The following FIBCD1 variants were observed in gnomAD, a reference collection of about 807,000 sequenced individuals.
The protein encoded by FIBCD1 is fibrinogen C domain containing 1.
Under a neutral mutation model 45.1 loss-of-function variants are expected in FIBCD1, and 47 were observed. The observed-to-expected ratio is 1.04, with a 90% CI of 0.82 to 1.33. The LOEUF (loss-of-function observed/expected upper bound fraction) is 1.33, where lower values mean the gene tolerates loss of function less well. Among genes scored for constraint, FIBCD1 ranks in the 40% most tolerant of loss-of-function variants. FIBCD1 has a pLI of 0.00. For missense variants in FIBCD1, 653 were observed against 682.2 expected, an observed-to-expected ratio of 0.96 and a Z score of 0.48; for synonymous variants, 313 against 308.1, an observed-to-expected ratio of 1.02 and a Z score of -0.17.
rs1017855522 is a variant in FIBCD1, at chr9:130,911,823, G to T, written c.915C>A (p.Gly305=). The part of the protein sequence containing the change: ...FFRGWDAYRD[G]FGRLTGEHWL... Reference sequence around the variant, plus strand: ...AGTGCTCCCCGGTGAGCCTGCCAAAGCCGTCTCGGTACGCATCCCAGCCCC... The same window carrying T: ...AGTGCTCCCCGGTGAGCCTGCCAAATCCGTCTCGGTACGCATCCCAGCCCC... The change falls in exon 5 of 7, where the codon GGC becomes GGA. Residue 305 remains glycine (G), a synonymous_variant. Coordinates refer to ENST00000372338, the MANE Select transcript of FIBCD1 (RefSeq NM_032843.5). The T allele has an allele frequency of 1.9e-6, 3 of 1,604,748 alleles. No individual in the cohort carries two copies. In the South Asian group the frequency reaches 3.4e-5, roughly 18 times the overall value.
At position 130,911,825 on chromosome 9, in the gene FIBCD1, C is replaced by T. The variant is rs768667343; in HGVS notation, c.913G>A (p.Gly305Ser). 86 of 1,604,638 alleles carry T rather than the reference C, an allele frequency of 5.4e-5. No individual in the cohort carries two copies. The Admixed American group carries it at 9.9e-4, about 19-fold the overall frequency. The stretch of plus-strand genomic sequence containing the variant: ...TGCTCCCCGGTGAGCCTGCCAAAGC[C>T]GTCTCGGTACGCATCCCAGCCCCGG... ...FFRGWDAYRD[G>S]FGRLTGEHWL... The change falls in exon 5 of 7, where the codon GGC becomes AGC. Residue 305 changes from glycine to serine, a missense_variant. By Grantham distance (56) the Gly-to-Ser change is moderately conservative (BLOSUM62 0). Coordinates refer to ENST00000372338, the MANE Select transcript of FIBCD1 (RefSeq NM_032843.5).
At chr9:130,913,437 G>A (rs1188464924) in intron 4 of FIBCD1, among the ~76,000 whole-genome samples, 1 of 152,242 alleles carries the variant, frequency 6.6e-6, no homozygotes, top group African/African-American at 2.4e-5. Context: ...TCTGACCCGA[G>A]GCGTCTGCCG....
intron 4 of FIBCD1, among the ~76,000 whole-genome samples, chr9:130,917,777 G>C (rs1408808378): frequency 6.6e-6 from 1 of 152,174 alleles, no homozygotes; most frequent in African/African-American, 2.4e-5. Context: ...GGGACGACTG[G>C]TGCTCCCATT....
chr9:130,917,053 A>G (rs7859821), intron 4 of FIBCD1, among the ~76,000 whole-genome samples: 82,006 of 152,104 alleles, frequency 0.54, 23,957 homozygotes, highest in African/African-American at 0.76. Flanking sequence ...AGCCAAGATC[A>G]CACCACTGCA....
chr9:130,913,360 C>T (rs1275679299), intron 4 of FIBCD1, among the ~76,000 whole-genome samples: 3 of 151,938 alleles, frequency 2.0e-5, no homozygotes, highest in African/African-American at 4.9e-5. Flanking sequence ...GCTGCGGCAC[C>T]GGCGAGCTGC....
chr9:130,923,643 G>A lies in FIBCD1; in HGVS notation c.849+101C>T, dbSNP rs370766285. 3.8e-4 allele frequency: 572 copies of A among 1,500,570 alleles called. 1 individual carries two copies. The African/African-American group carries it at 7.0e-3, about 18-fold the overall frequency. The allele number at this position is 1,500,570 out of a possible 1,614,324, so 93.0% of individuals were successfully genotyped here. A position where few individuals can be genotyped will look rare whatever the true frequency, so the allele number is the denominator to read the frequency against. ...CAGGGCCAGTCCACAGATCCATGGTGGAGGGCTGGGTAGGAAGCTGCTCGG... is the reference window on the plus strand; with the variant it reads ...CAGGGCCAGTCCACAGATCCATGGTAGAGGGCTGGGTAGGAAGCTGCTCGG... On this transcript the variant is annotated intron_variant, in intron 4 of 6. Transcript: ENST00000372338.
At chr9:130,938,269 C>T in intron 1 of FIBCD1, 1 of 395,000 alleles carries the variant, frequency 2.5e-6, no homozygotes, top group Non-Finnish European at 4.6e-6. Context: ...CCCGCGTGCA[C>T]CAGGGGGCTG....
intron 5 of FIBCD1, among the ~76,000 whole-genome samples, chr9:130,905,909 C>T (rs1831919704): frequency 6.6e-6 from 1 of 152,226 alleles, no homozygotes; most frequent in African/African-American, 2.4e-5. Context: ...TTGAGGACCT[C>T]CTCTGCCAAC....
intron 2 of FIBCD1, among the ~76,000 whole-genome samples, chr9:130,927,079 T>A (rs1386112297): frequency 1.3e-5 from 2 of 151,676 alleles, no homozygotes; most frequent in Non-Finnish European, 2.9e-5. Context: ...TACAAAAAAA[T>A]TTTAATCAAA....
At chr9:130,913,621 C>T (rs992440945) in intron 4 of FIBCD1, among the ~76,000 whole-genome samples, 3 of 152,164 alleles carry the variant, frequency 2.0e-5, no homozygotes, top group African/African-American at 7.2e-5. Context: ...CAGGAGTGAC[C>T]GGCTCGGGGT....
chr9:130,923,663 G>A (rs1367963380), intron 4 of FIBCD1, 81 bp downstream of exon 4: 7 of 1,549,796 alleles, frequency 4.5e-6, no homozygotes, highest in Non-Finnish European at 6.1e-6. Flanking sequence ...GTAGGAAGCT[G>A]CTCGGAATGC....
intron 4 of FIBCD1, among the ~76,000 whole-genome samples, chr9:130,914,610 C>T (rs78095450): frequency 0.051 from 7,706 of 152,302 alleles, 285 homozygotes; most frequent in Admixed American, 0.088. Context: ...GTACAGGTGC[C>T]CAGCTGTGCC....
At position 130,924,275 on chromosome 9, in the gene FIBCD1, G is replaced by C. The variant is rs769784503; in HGVS notation, c.674C>G (p.Ala225Gly). The part of the protein sequence containing the change: ...RPRNKADLQR[A>G]PARGTRPRGC... Reference sequence around the variant, plus strand: ...CCGGGGCCGGGTTCCCCGGGCAGGCGCTCTCTGAAGGTCGGCCTTGTTGCG... The same window carrying C: ...CCGGGGCCGGGTTCCCCGGGCAGGCCCTCTCTGAAGGTCGGCCTTGTTGCG... The change falls in exon 3 of 7, where the codon GCG (alanine) becomes GGG (glycine). Residue 225 changes from alanine to glycine, a missense_variant. Coordinates refer to ENST00000372338, the MANE Select transcript of FIBCD1 (RefSeq NM_032843.5). 6 of 1,601,778 alleles carry C rather than the reference G, an allele frequency of 3.7e-6. No homozygotes were observed. Among genetic ancestry groups the C allele is most frequent in the Non-Finnish European group, 4.3e-6 (5 of 1,175,826 alleles).
chr9:130,903,907 C>T lies in FIBCD1; in HGVS notation c.*157G>A, dbSNP rs1427970654. 11 of 947,468 alleles carry T rather than the reference C, an allele frequency of 1.2e-5. No individual in the cohort carries two copies. The highest frequency in any genetic ancestry group is 3.3e-5 in the African/African-American group (2 of 61,506). 58.7% of individuals were successfully genotyped at this position (947,468 alleles called of 1,614,324 possible). A position where few individuals can be genotyped will look rare whatever the true frequency, so the allele number is the denominator to read the frequency against. ...GCGAGAAGGCGATGTGTGACTTCAC[C>T]GGCCCAGGGAGCTTCGTGTCAGGGA... On this transcript the variant is annotated 3_prime_UTR_variant, in exon 7 of 7. Transcript: ENST00000372338.
chr9:130,937,417 TGGA>T (rs1254727536), intron 1 of FIBCD1, among the ~76,000 whole-genome samples: 1 of 152,140 alleles, frequency 6.6e-6, no homozygotes, highest in Non-Finnish European at 1.5e-5. Flanking sequence ...CCAGCCTGTT[TGGA>T]GAAGTGAGGT....
intron 4 of FIBCD1, among the ~76,000 whole-genome samples, chr9:130,916,296 A>G (rs1048345983): frequency 6.6e-6 from 1 of 152,226 alleles, no homozygotes; most frequent in Non-Finnish European, 1.5e-5. Context: ...ATGTTGATCA[A>G]ACCCATTCAG....
intron 5 of FIBCD1, among the ~76,000 whole-genome samples, chr9:130,908,696 C>T (rs1328479014): frequency 6.6e-6 from 1 of 152,180 alleles, no homozygotes; most frequent in African/African-American, 2.4e-5. Context: ...GCTTTGGGGA[C>T]GATGCATGGG....
At chr9:130,929,032 T>C (rs957253789) in intron 2 of FIBCD1, among the ~76,000 whole-genome samples, 1 of 149,604 alleles carries the variant, frequency 6.7e-6, no homozygotes, top group African/African-American at 2.5e-5. Flanking sequence ...AGGGTGGAGG[T>C]GGTTTGGGAC....
intron 4 of FIBCD1, 134 bp downstream of exon 4, chr9:130,923,610 C>G: frequency 7.3e-7 from 1 of 1,363,758 alleles, no homozygotes; most frequent in Non-Finnish European, 9.9e-7. Context: ...GGCAGAAGGG[C>G]ACCAGGGCAG....
Sources: allele counts gnomAD v4.1 joint callset (sites outside exome capture counted in the v4.1 genomes callset), GRCh38; gene constraint gnomAD v4.1.1; transcripts MANE v1.5; gene names NCBI Gene and HGNC (gene_info 2026-07-23, HGNC 2026-07-21).